The following RNGTT variants were observed in gnomAD, a reference collection of about 807,000 sequenced individuals.
RNGTT encodes mRNA-capping enzyme.
In RNGTT, 33 loss-of-function variants were observed where a neutral mutation model predicts 79.3. The observed-to-expected ratio is 0.42, with a 90% CI of 0.32 to 0.56. The LOEUF (loss-of-function observed/expected upper bound fraction) is 0.56, where lower values mean the gene tolerates loss of function less well. Ranked by LOEUF, RNGTT falls within the 20% of genes least tolerant of loss-of-function variation. The pLI, the probability that RNGTT is intolerant of heterozygous loss-of-function variation, is 0.17. For synonymous variants in RNGTT, 222 were observed against 235.9 expected, an observed-to-expected ratio of 0.94 and a Z score of 0.54; for missense variants, 497 against 739.1, an observed-to-expected ratio of 0.67 and a Z score of 3.80.
intron 15 of RNGTT, 79 bp from the exon 16 acceptor site, chr6:88,612,961 T>C: frequency 7.7e-7 from 1 of 1,293,410 alleles, no homozygotes; most frequent in South Asian, 1.4e-5. Context: ...AGAAAGGTTT[T>C]CATCCCAATA....
chr6:88,763,861 G>T (rs1778354628), intron 13 of RNGTT, among the ~76,000 whole-genome samples: 1 of 152,200 alleles, frequency 6.6e-6, no homozygotes, highest in Non-Finnish European at 1.5e-5. Context: ...AACAATCACT[G>T]TGGATTTTGA....
At chr6:88,845,159 C>T (rs1002158697) in intron 10 of RNGTT, among the ~76,000 whole-genome samples, 27 of 151,480 alleles carry the variant, frequency 1.8e-4, no homozygotes, top group Admixed American at 6.6e-4. Flanking sequence ...CAAAATAGGT[C>T]GCACAGTTAC....
intron 11 of RNGTT, among the ~76,000 whole-genome samples, chr6:88,834,934 G>A (rs959596025): frequency 4.0e-5 from 6 of 151,838 alleles, no homozygotes; most frequent in Admixed American, 1.3e-4. Context: ...AAAAGTAGAT[G>A]TGTTCTTGAA....
chr6:88,717,969 A>G (rs2127811326), intron 13 of RNGTT, among the ~76,000 whole-genome samples: 1 of 152,330 alleles, frequency 6.6e-6, no homozygotes, highest in East Asian at 1.9e-4. Flanking sequence ...AGAGGAGACC[A>G]TTCAACTTCA....
intron 14 of RNGTT, among the ~76,000 whole-genome samples, chr6:88,658,507 G>T (rs1165683901): frequency 2.0e-5 from 3 of 152,198 alleles, no homozygotes; most frequent in Non-Finnish European, 4.4e-5. Flanking sequence ...AGTAATCATT[G>T]CAATCTGGCT....
chr6:88,637,459 G>A (rs1773140847), intron 14 of RNGTT, among the ~76,000 whole-genome samples: 1 of 152,030 alleles, frequency 6.6e-6, no homozygotes, highest in Non-Finnish European at 1.5e-5. Flanking sequence ...GTAAAACATG[G>A]CTTTGAAACA....
intron 10 of RNGTT, among the ~76,000 whole-genome samples, chr6:88,846,311 A>C (rs142604989): frequency 6.6e-6 from 1 of 152,280 alleles, no homozygotes; most frequent in Non-Finnish European, 1.5e-5. Context: ...AAGTATATTC[A>C]TATCATTACT....
chr6:88,695,498 A>G (rs1199278790), intron 13 of RNGTT, among the ~76,000 whole-genome samples: 1 of 152,156 alleles, frequency 6.6e-6, no homozygotes, highest in Admixed American at 6.5e-5. Flanking sequence ...CAAAATGACA[A>G]AAGATAACCA....
chr6:88,693,225 C>A (rs888827455), intron 13 of RNGTT, among the ~76,000 whole-genome samples: 7 of 151,776 alleles, frequency 4.6e-5, no homozygotes, highest in African/African-American at 1.7e-4. Flanking sequence ...AATTGGCAAA[C>A]CCTTACCTAG....
chr6:88,834,480 A>G (rs1028658821), intron 11 of RNGTT, among the ~76,000 whole-genome samples: 2 of 152,232 alleles, frequency 1.3e-5, no homozygotes, highest in Admixed American at 6.5e-5. Flanking sequence ...TCCTCATTTT[A>G]TCTTGCATCT....
chr6:88,761,196 C>T (rs1328797752), intron 13 of RNGTT, among the ~76,000 whole-genome samples: 1 of 151,978 alleles, frequency 6.6e-6, no homozygotes, highest in Non-Finnish European at 1.5e-5. Flanking sequence ...GGTTAACAAA[C>T]CAGAACCTTC....
intron 11 of RNGTT, among the ~76,000 whole-genome samples, chr6:88,810,895 C>T (rs748452730): frequency 1.3e-4 from 20 of 152,146 alleles, no homozygotes; most frequent in Non-Finnish European, 2.2e-4. Context: ...GAAACCAAGC[C>T]AGCATTAGGA....
intron 13 of RNGTT, among the ~76,000 whole-genome samples, chr6:88,718,085 T>G (rs1466583330): frequency 1.3e-5 from 2 of 152,126 alleles, no homozygotes; most frequent in Non-Finnish European, 2.9e-5. Context: ...AAGAAAGTGC[T>G]AACTCGCCAT....
intron 11 of RNGTT, among the ~76,000 whole-genome samples, chr6:88,832,588 T>C (rs1268571174): frequency 1.3e-5 from 2 of 152,130 alleles, no homozygotes; most frequent in Non-Finnish European, 2.9e-5. Context: ...ACAAGTGGGA[T>C]CTAATTAAAC....
In RNGTT at chr6:88,932,715, C is replaced by A. The variant is rs192682285; in HGVS notation, c.175-3448G>T. Among the ~76,000 whole-genome samples, 4 of 152,208 alleles carry A rather than the reference C, an allele frequency of 2.6e-5. No homozygotes were observed. In the East Asian group the frequency reaches 7.7e-4, roughly 29 times the overall value. ...TTTCTTTCTGGATTGGAACAAAAAC[C>A]ATTATTACTTCTGTTGAGCTGAAGA... is the stretch of plus-strand genomic sequence containing the variant. On this transcript the variant is annotated intron_variant, in intron 2 of 15. Transcript: ENST00000369485.
intron 12 of RNGTT, among the ~76,000 whole-genome samples, chr6:88,789,387 C>T (rs1196138269): frequency 6.6e-6 from 1 of 152,158 alleles, no homozygotes; most frequent in African/African-American, 2.4e-5. Context: ...TGGTGAAACC[C>T]CGTATCTACT....
At chr6:88,706,235 T>C (rs1776125887) in intron 13 of RNGTT, among the ~76,000 whole-genome samples, 1 of 152,084 alleles carries the variant, frequency 6.6e-6, no homozygotes, top group African/African-American at 2.4e-5. Context: ...TGAAGTGCTT[T>C]TTTTTGGTAG....
At chr6:88,814,065 T>C (rs1482155977) in intron 11 of RNGTT, among the ~76,000 whole-genome samples, 2 of 140,700 alleles carry the variant, frequency 1.4e-5, no homozygotes, top group African/African-American at 4.9e-5. Context: ...GAAAAATACA[T>C]AGGCTGTATT....
chr6:88,927,513 T>A (rs1352701998), intron 4 of RNGTT, among the ~76,000 whole-genome samples: 1 of 152,044 alleles, frequency 6.6e-6, no homozygotes, highest in East Asian at 1.9e-4. Flanking sequence ...AAATACATAA[T>A]TAGCCGGGCA....
Sources: gnomAD v4.1 joint callset for allele counts (sites outside exome capture counted in the v4.1 genomes callset) on GRCh38, gnomAD v4.1.1 for gene constraint, MANE v1.5 for transcripts, NCBI Gene and HGNC (gene_info 2026-07-23, HGNC 2026-07-21) for gene names.